Variants in AGAP1 observed in about 807,000 individuals in gnomAD.
AGAP1 encodes the protein arf-GAP with GTPase, ANK repeat and PH domain-containing protein 1.
Under a neutral mutation model 105.3 loss-of-function variants are expected in AGAP1, and 29 were observed. The observed-to-expected ratio is 0.28, with a 90% confidence interval of 0.21 to 0.38. The LOEUF is 0.38. Among genes scored for constraint, AGAP1 ranks in the 10% least tolerant of loss-of-function variants. The probability of loss-of-function intolerance (pLI) is 1.00; values close to 1 mark genes in which losing one functional copy is unlikely to be tolerated. For synonymous variants in AGAP1, 509 were observed against 485.9 expected (o/e 1.05, Z -0.63); for missense variants, 998 against 1,165.1 (o/e 0.86, Z 2.09).
rs931193738 is a variant in AGAP1 at position 235,639,073 on chromosome 2, C to T, written c.164-70106C>T. The stretch of plus-strand genomic sequence containing the variant: ...AGAAGGGGACAAAAGAGTCTTAGAG[C>T]CATTTGAGAGGGAGCTTCTAGAGGA... On this transcript the variant is annotated intron_variant, in intron 1 of 17. Coordinates refer to ENST00000304032, the MANE Select transcript of AGAP1 (RefSeq NM_001037131.3). This position sits in a 1 kb window ranked among gnomAD's most constrained non-coding sequence, Gnocchi z 5.3. Among the ~76,000 whole-genome samples the T allele has an allele frequency of 6.6e-5, 10 of 151,962 alleles. No individual in the cohort carries two copies. The highest frequency in any genetic ancestry group is 2.4e-4 in the African/African-American group (10 of 41,360).
intron 16 of AGAP1, among the ~76,000 whole-genome samples, chr2:236,075,575 GC>G (rs750536836): frequency 2.3e-4 from 35 of 152,136 alleles, no homozygotes; most frequent in Non-Finnish European, 4.9e-4. Flanking sequence ...TATGGGACCT[GC>G]CAGGGTCTTT....
chr2:236,099,318 G>A (rs753069231), intron 16 of AGAP1, among the ~76,000 whole-genome samples: 4 of 152,016 alleles, frequency 2.6e-5, no homozygotes, highest in Non-Finnish European at 5.9e-5. Context: ...AGCTGGGCGT[G>A]GTGGCGAGCG....
intron 1 of AGAP1, among the ~76,000 whole-genome samples, chr2:235,629,174 C>T (rs1946739343): frequency 6.6e-6 from 1 of 151,988 alleles, no homozygotes; most frequent in African/African-American, 2.4e-5. Flanking sequence ...TTTGGTTTTC[C>T]ATTCCTGAGT....
chr2:236,015,527 C>T (rs1281618950), intron 13 of AGAP1, among the ~76,000 whole-genome samples: 3 of 151,964 alleles, frequency 2.0e-5, no homozygotes, highest in South Asian at 2.1e-4. Flanking sequence ...TTTCCCCCAC[C>T]TTCATTTGAA....
intron 1 of AGAP1, among the ~76,000 whole-genome samples, chr2:235,619,992 C>T (rs1946424259): frequency 6.6e-6 from 1 of 152,188 alleles, no homozygotes; most frequent in Non-Finnish European, 1.5e-5. Flanking sequence ...CCCAAGGAGA[C>T]ACATGTTACT....
At position 236,124,814 on chromosome 2, in the gene AGAP1, T is replaced by A. The variant is rs2059978392; in HGVS notation, c.*692T>A. ...GCGCCGGTGATTGCCACGATGTGAT[T>A]GCAATACTCTTAGAAGCACCATATT... is the stretch of plus-strand genomic sequence containing the variant. On this transcript the variant is annotated 3_prime_UTR_variant, in exon 18 of 18. Coordinates refer to ENST00000304032, the MANE Select transcript of AGAP1 (RefSeq NM_001037131.3). This position sits in a 1 kb window ranked among gnomAD's most constrained non-coding sequence, Gnocchi z 5.1. The A allele has an allele frequency of 6.5e-6, 1 of 153,934 alleles. No individual in the cohort carries two copies. The highest frequency in any genetic ancestry group is 2.0e-4 in the South Asian group (1 of 4,882). The allele number at this position is 153,934 out of a possible 1,614,324, so 9.5% of individuals were successfully genotyped here. A position where few individuals can be genotyped will look rare whatever the true frequency, so the allele number is the denominator to read the frequency against.
At chr2:235,825,754 C>A (rs1236930604) in intron 9 of AGAP1, among the ~76,000 whole-genome samples, 1 of 152,120 alleles carries the variant, frequency 6.6e-6, no homozygotes, top group Non-Finnish European at 1.5e-5. Flanking sequence ...AATGTTAAAA[C>A]CCTCTCTAGG....
intron 1 of AGAP1, among the ~76,000 whole-genome samples, chr2:235,640,379 A>G (rs1297064242): frequency 2.0e-5 from 3 of 152,260 alleles, no homozygotes; most frequent in Non-Finnish European, 2.9e-5. Flanking sequence ...TCAAGGGTCC[A>G]GGGAGGCTGG....
chr2:235,923,929 A>G (rs7571708), intron 11 of AGAP1, among the ~76,000 whole-genome samples: 71,232 of 151,996 alleles, frequency 0.47, 18,327 homozygotes, highest in African/African-American at 0.68. Flanking sequence ...CTTTGCATCC[A>G]GTAAGTCAAT....
intron 13 of AGAP1, among the ~76,000 whole-genome samples, chr2:235,986,047 A>C (rs1369978690): frequency 6.6e-6 from 1 of 152,158 alleles, no homozygotes; most frequent in African/African-American, 2.4e-5. Context: ...TGAATCTATA[A>C]ATTACTTTGG....
intron 1 of AGAP1, among the ~76,000 whole-genome samples, chr2:235,707,938 A>G (rs73996320): frequency 0.094 from 11,492 of 122,286 alleles, 1,401 homozygotes; most frequent in African/African-American, 0.3. Context: ...CTTCCCAATC[A>G]TGTGACCTGG....
At chr2:235,738,543 TTTTCTTTCTTTC>T (rs545551935) in intron 3 of AGAP1, among the ~76,000 whole-genome samples, 1 of 151,610 alleles carries the variant, frequency 6.6e-6, no homozygotes, top group Non-Finnish European at 1.5e-5. Flanking sequence ...CAAATGTTAT[TTTTCTTTCTTTC>T]TTTCTTTCTT....
intron 1 of AGAP1, among the ~76,000 whole-genome samples, chr2:235,591,488 G>A (rs760670575): frequency 6.5e-4 from 99 of 152,268 alleles, no homozygotes; most frequent in Non-Finnish European, 1.0e-3. Context: ...CCTTCTCTTG[G>A]TGTGATGTTG....
intron 15 of AGAP1, among the ~76,000 whole-genome samples, chr2:236,048,300 TC>T (rs1164460009): frequency 1.6e-4 from 25 of 152,182 alleles, no homozygotes; most frequent in Admixed American, 1.6e-3. Flanking sequence ...AGTTCTGGGG[TC>T]CCAGTGCTGC....
intron 9 of AGAP1, among the ~76,000 whole-genome samples, chr2:235,871,115 C>T (rs1369180499): frequency 6.6e-6 from 1 of 152,168 alleles, no homozygotes; most frequent in East Asian, 1.9e-4. Flanking sequence ...TTGAAGGGGT[C>T]CTCATTCTGA....
intron 1 of AGAP1, among the ~76,000 whole-genome samples, chr2:235,607,967 T>G (rs1946001428): frequency 6.6e-6 from 1 of 152,170 alleles, no homozygotes; most frequent in East Asian, 1.9e-4. Flanking sequence ...GATCTTCGAG[T>G]TTTGACTTGG....
intron 1 of AGAP1, among the ~76,000 whole-genome samples, chr2:235,547,099 A>C (rs1302498316): frequency 6.6e-6 from 1 of 152,118 alleles, no homozygotes; most frequent in African/African-American, 2.4e-5. Context: ...TCGTGGTGTA[A>C]GACCCCACTG....
chr2:235,710,856 G>A (rs953426467), intron 2 of AGAP1, among the ~76,000 whole-genome samples: 17 of 152,202 alleles, frequency 1.1e-4, no homozygotes, highest in African/African-American at 4.1e-4. Context: ...TGGTTTACTG[G>A]TGGTGATGGT....
In AGAP1 at chr2:235,799,243, C is replaced by A; in HGVS notation, c.802-124C>A. On this transcript the variant is annotated intron_variant, in intron 7 of 17. Coordinates refer to ENST00000304032, the MANE Select transcript of AGAP1 (RefSeq NM_001037131.3). This position sits in a 1 kb window ranked among gnomAD's most constrained non-coding sequence, Gnocchi z 5.0. ...ACCTGGCAAAGCCATAGACGCAAGTCAGCCATTCCCATGCATCCCTTCCAT... is the reference window on the plus strand; with the variant it reads ...ACCTGGCAAAGCCATAGACGCAAGTAAGCCATTCCCATGCATCCCTTCCAT... 1 of 1,103,646 alleles carries A rather than the reference C, an allele frequency of 9.1e-7. No individual in the cohort carries two copies. Among genetic ancestry groups the A allele is most frequent in the Non-Finnish European group, 1.3e-6 (1 of 760,854 alleles). 68.4% of individuals were successfully genotyped at this position (1,103,646 alleles called of 1,614,324 possible). A position where few individuals can be genotyped will look rare whatever the true frequency, so the allele number is the denominator to read the frequency against.
Sources: gnomAD v4.1 joint callset for allele counts (sites outside exome capture counted in the v4.1 genomes callset) on GRCh38, gnomAD v4.1.1 for gene constraint, Gnocchi (gnomAD v3.1) non-coding constraint, MANE v1.5 for transcripts, NCBI Gene and HGNC (gene_info 2026-07-23, HGNC 2026-07-21) for gene names.